Variants in RGS22 observed in about 807,000 individuals in gnomAD.
RGS22 encodes the protein regulator of G protein signaling 22, also known as regulator of G-protein signaling 22.
RGS22 carries 148 observed loss-of-function variants against 172.9 expected under a neutral mutation model. The ratio of observed to expected loss-of-function variants is 0.86; its 90% CI spans 0.75 to 0.98. The LOEUF is 0.98. Ranked by LOEUF, RGS22 falls within the 50% of genes least tolerant of loss-of-function variation. The pLI, the probability that RGS22 is intolerant of heterozygous loss-of-function variation, is 0.00. For synonymous variants in RGS22, 458 were observed against 480.2 expected (o/e 0.95, Z 0.60); for missense variants, 1,347 against 1,440.8 (o/e 0.93, Z 1.05).
At chr8:100,104,483 G>A (rs1813766039) in intron 2 of RGS22, among the ~76,000 whole-genome samples, 1 of 149,988 alleles carries the variant, frequency 6.7e-6, no homozygotes, top group Admixed American at 6.6e-5. Context: ...ATGTGTAGAT[G>A]TGTGTGTGTC....
intron 14 of RGS22, among the ~76,000 whole-genome samples, chr8:100,014,973 CAG>C (rs1219194511): frequency 6.6e-6 from 1 of 152,194 alleles, no homozygotes; most frequent in African/African-American, 2.4e-5. Context: ...TCTACAAAGA[CAG>C]AGACTGGGTC....
chr8:100,071,868 G>A (rs1056778244), intron 5 of RGS22, among the ~76,000 whole-genome samples: 5 of 152,114 alleles, frequency 3.3e-5, no homozygotes, highest in South Asian at 2.1e-4. Context: ...ATTGTTAAAC[G>A]CCCTGCACCT....
chr8:99,961,127 C>G lies in RGS22; in HGVS notation c.*115G>C. The G allele has an allele frequency of 2.3e-6, 1 of 438,158 alleles. No individual in the cohort carries two copies. Among genetic ancestry groups the G allele is most frequent in the South Asian group, 1.7e-5 (1 of 59,434 alleles). The allele number at this position is 438,158 out of a possible 1,614,324, so 27.1% of individuals were successfully genotyped here. A position where few individuals can be genotyped will look rare whatever the true frequency, so the allele number is the denominator to read the frequency against. ...ACTTTATTTAGATGTTAGGCTTGCTCTGATACAGACCTTCAAAAAAACAAA... is the reference window on the plus strand; with the variant it reads ...ACTTTATTTAGATGTTAGGCTTGCTGTGATACAGACCTTCAAAAAAACAAA... On this transcript the variant is annotated 3_prime_UTR_variant, in exon 28 of 28. Coordinates refer to ENST00000360863, the MANE Select transcript of RGS22 (RefSeq NM_015668.5).
intron 6 of RGS22, among the ~76,000 whole-genome samples, chr8:100,070,793 G>T (rs1052542978): frequency 1.3e-5 from 2 of 151,868 alleles, no homozygotes. Context: ...TAATACTAAT[G>T]CCTTAAAATG....
intron 22 of RGS22, among the ~76,000 whole-genome samples, chr8:99,980,994 AGAG>A (rs1211355418): frequency 2.6e-5 from 4 of 152,190 alleles, no homozygotes; most frequent in African/African-American, 9.7e-5. Context: ...TTAGTTCCTT[AGAG>A]GACTTAGAAC....
chr8:100,100,076 T>TATCC (rs1813343071), intron 2 of RGS22, among the ~76,000 whole-genome samples: 1 of 152,188 alleles, frequency 6.6e-6, no homozygotes, highest in Non-Finnish European at 1.5e-5. Context: ...TGTCCCTTGG[T>TATCC]ATCCACAGGG....
In RGS22 at chr8:99,987,502, A is replaced by G. The variant is rs761173752; in HGVS notation, c.3136T>C (p.Leu1046=). 5.6e-6 allele frequency: 9 copies of G among 1,611,914 alleles called. No individual in the cohort carries two copies. The highest frequency in any genetic ancestry group is 3.3e-5 in the Admixed American group (2 of 59,898). ...QRFVALKGDL[L]ENGLLFWQEV... ...TGCCAAAAGAGTAAACCATTTTCCA[A>G]TAAATCTCCTTTTAGAGCCACAAAA... is the stretch of plus-strand genomic sequence containing the variant. Residue 1046 remains leucine (L), a synonymous_variant, in exon 21 of 28, where the codon TTG becomes CTG. Coordinates refer to ENST00000360863, the MANE Select transcript of RGS22 (RefSeq NM_015668.5).
chr8:100,100,446 C>G (rs778952919), intron 2 of RGS22, among the ~76,000 whole-genome samples: 1 of 152,110 alleles, frequency 6.6e-6, no homozygotes, highest in Non-Finnish European at 1.5e-5. Flanking sequence ...TGTGCCATCA[C>G]GTCCAGCTAA....
Position 99,976,711 on chromosome 8 carries a change from C to G in RGS22, c.3519+1206G>C, listed in dbSNP as rs182231079. Among the ~76,000 whole-genome samples, 155 of 152,212 alleles carry G rather than the reference C, an allele frequency of 1.0e-3. 1 individual carries two copies. The highest frequency in any genetic ancestry group is 2.7e-3 in the South Asian group (13 of 4,818). ...GACAAATATATCCCAAACTTAATGA[C>G]TGCTCCTAGATATAGGGAGGGTTAT... On this transcript the variant is annotated intron_variant, in intron 23 of 27. Coordinates refer to ENST00000360863, the MANE Select transcript of RGS22 (RefSeq NM_015668.5).
intron 14 of RGS22, among the ~76,000 whole-genome samples, chr8:100,030,316 T>A (rs1022767270): frequency 1.3e-5 from 2 of 152,234 alleles, no homozygotes; most frequent in African/African-American, 4.8e-5. Flanking sequence ...TAATAAATGA[T>A]CATATTACTG....
At chr8:100,007,318 C>A (rs1815837317) in intron 15 of RGS22, among the ~76,000 whole-genome samples, 1 of 152,142 alleles carries the variant, frequency 6.6e-6, no homozygotes, top group Non-Finnish European at 1.5e-5. Context: ...TAAACGTATA[C>A]ATAGATGGTT....
intron 21 of RGS22, among the ~76,000 whole-genome samples, chr8:99,983,435 C>T (rs1463774284): frequency 3.9e-5 from 6 of 152,068 alleles, no homozygotes; most frequent in African/African-American, 1.2e-4. Context: ...TGTGCAAGTG[C>T]CCCCTTTTCT....
chr8:100,005,965 T>A, intron 16 of RGS22, 52 bp downstream of exon 16: 1 of 1,369,732 alleles, frequency 7.3e-7, no homozygotes, highest in Non-Finnish European at 1.0e-6. Flanking sequence ...CATAAAGTGG[T>A]AACCCTCTCC....
At chr8:100,022,918 T>C (rs762368168) in intron 14 of RGS22, among the ~76,000 whole-genome samples, 3 of 152,000 alleles carry the variant, frequency 2.0e-5, no homozygotes, top group Non-Finnish European at 4.4e-5. Flanking sequence ...TTTGTAGAGA[T>C]AGGGTTTTGT....
chr8:100,003,982 A>C lies in RGS22; in HGVS notation c.2571T>G (p.Leu857=), dbSNP rs751781795. ...AATGTTCAAACTCCAGTTTGTTGTTAAGCAGATCACTAAACTTAAAATGCT... is the reference window on the plus strand; with the variant it reads ...AATGTTCAAACTCCAGTTTGTTGTTCAGCAGATCACTAAACTTAAAATGCT... The part of the protein sequence containing the change: ...EYKHFKFSDL[L]NNKLEFEHFR... The change falls in exon 17 of 28, where the codon CTT becomes CTG. Residue 857 remains leucine (L), a synonymous_variant. Transcript: ENST00000360863. 3 of 1,612,012 alleles carry C rather than the reference A, an allele frequency of 1.9e-6. No individual in the cohort carries two copies. The highest frequency in any genetic ancestry group is 2.2e-5 in the East Asian group (1 of 44,692).
intron 14 of RGS22, among the ~76,000 whole-genome samples, chr8:100,026,730 GTT>G (rs921063909): frequency 1.1e-4 from 16 of 152,194 alleles, no homozygotes; most frequent in African/African-American, 3.9e-4. Flanking sequence ...TGATTCTGAA[GTT>G]GTTAATCTGA....
chr8:100,049,593 C>T (rs1200366914), intron 10 of RGS22, among the ~76,000 whole-genome samples: 1 of 152,140 alleles, frequency 6.6e-6, no homozygotes, highest in African/African-American at 2.4e-5. Flanking sequence ...TTCTTTTCAG[C>T]TTAATAACGT....
At chr8:100,028,653 T>C (rs781030192) in intron 14 of RGS22, among the ~76,000 whole-genome samples, 1 of 151,964 alleles carries the variant, frequency 6.6e-6, no homozygotes, top group Admixed American at 6.6e-5. Flanking sequence ...ACAGCATAGA[T>C]AAAAAACCCC....
At chr8:100,010,953 A>C (rs1816314322) in intron 14 of RGS22, among the ~76,000 whole-genome samples, 1 of 151,868 alleles carries the variant, frequency 6.6e-6, no homozygotes, top group Non-Finnish European at 1.5e-5. Context: ...CCTCCAGAAG[A>C]TAACTGTTAA....
Sources: allele counts gnomAD v4.1 joint callset (sites outside exome capture counted in the v4.1 genomes callset), GRCh38; gene constraint gnomAD v4.1.1; transcripts MANE v1.5; gene names NCBI Gene and HGNC (gene_info 2026-07-23, HGNC 2026-07-21).